Variants in GPHN observed in about 807,000 individuals in gnomAD.
GPHN encodes the protein gephyrin.
In GPHN, 17 loss-of-function variants were observed where a neutral mutation model predicts 95.5. The observed-to-expected ratio is 0.18, with a 90% CI of 0.12 to 0.27. The LOEUF is 0.27. GPHN is among the 10% of genes least tolerant of loss of function. GPHN has a pLI of 1.00. For synonymous variants in GPHN, 320 were observed against 322.5 expected (o/e 0.99, Z 0.08); for missense variants, 660 against 978.1 (o/e 0.67, Z 4.34).
At chr14:67,412,065 C>A in the GPHN span, 2 of 1,545,110 alleles carry the variant, frequency 1.3e-6, no homozygotes, top group Admixed American at 1.9e-5. Flanking sequence ...TCCATGTCGC[C>A]GCCCGCACGC....
chr14:67,351,599 C>A, the GPHN span, among the ~76,000 whole-genome samples: 1 of 152,170 alleles, frequency 6.6e-6, no homozygotes, highest in Non-Finnish European at 1.5e-5. Context: ...GCTTCAAACT[C>A]ATAGGCTCAG....
At chr14:67,683,374 C>G in the GPHN span, among the ~76,000 whole-genome samples, 1 of 152,046 alleles carries the variant, frequency 6.6e-6, no homozygotes, top group Non-Finnish European at 1.5e-5. Flanking sequence ...TCTTCTTATA[C>G]TTCAGAACCA....
intron 1 of GPHN, among the ~76,000 whole-genome samples, chr14:66,532,950 CA>C (rs2059001513): frequency 6.6e-6 from 1 of 152,180 alleles, no homozygotes; most frequent in Admixed American, 6.5e-5. Context: ...CTAGATCAGT[CA>C]TCTGTGATCA....
intron 2 of GPHN, among the ~76,000 whole-genome samples, chr14:66,710,426 A>C (rs1421939915): frequency 6.6e-6 from 1 of 152,210 alleles, no homozygotes; most frequent in African/African-American, 2.4e-5. Context: ...CATATTTCAG[A>C]AGCTGTTACC....
At chr14:67,476,850 G>A in the GPHN span, among the ~76,000 whole-genome samples, 137 of 152,266 alleles carry the variant, frequency 9.0e-4, no homozygotes, top group African/African-American at 3.2e-3. Context: ...TAGTGGCTGG[G>A]CACAGTGGCT....
At chr14:67,089,587 A>G (rs2077066479) in intron 12 of GPHN, among the ~76,000 whole-genome samples, 1 of 152,156 alleles carries the variant, frequency 6.6e-6, no homozygotes, top group Non-Finnish European at 1.5e-5. Context: ...TCTTAGTGTG[A>G]AAGTTTTCCA....
intron 4 of GPHN, among the ~76,000 whole-genome samples, chr14:66,844,474 A>G (rs183859369): frequency 1.4e-4 from 21 of 152,248 alleles, no homozygotes; most frequent in African/African-American, 5.1e-4. Flanking sequence ...GCATATGTGT[A>G]TATAGAGATT....
intron 3 of GPHN, among the ~76,000 whole-genome samples, chr14:66,816,269 T>C (rs2153486645): frequency 6.6e-6 from 1 of 152,218 alleles, no homozygotes; most frequent in South Asian, 2.1e-4. Flanking sequence ...TAACAAATAT[T>C]CAGGTCCTGA....
intron 12 of GPHN, among the ~76,000 whole-genome samples, chr14:67,096,483 C>T (rs1336308384): frequency 6.6e-6 from 1 of 152,114 alleles, no homozygotes; most frequent in African/African-American, 2.4e-5. Context: ...ATACTTCCCA[C>T]CAAAAACTTT....
chr14:67,645,582 GT>G, the GPHN span: 1 of 1,562,626 alleles, frequency 6.4e-7, no homozygotes, highest in Non-Finnish European at 8.7e-7. Flanking sequence ...GGCTGAGGAC[GT>G]TTGTTATCGG....
chr14:66,746,249 C>T (rs1442200374), intron 2 of GPHN, among the ~76,000 whole-genome samples: 8 of 152,068 alleles, frequency 5.3e-5, no homozygotes, highest in African/African-American at 1.7e-4. Flanking sequence ...TATAAAAACC[C>T]GCCAAACTGT....
At chr14:66,513,876 T>G (rs2058139294) in intron 1 of GPHN, among the ~76,000 whole-genome samples, 1 of 151,958 alleles carries the variant, frequency 6.6e-6, no homozygotes, top group South Asian at 2.1e-4. Flanking sequence ...TCTTGAAAAT[T>G]TTGTGTTTAA....
chr14:67,647,050 G>A, the GPHN span: 1 of 1,465,512 alleles, frequency 6.8e-7, no homozygotes, highest in African/African-American at 1.4e-5. Context: ...CTGATGTCAG[G>A]GCAAACCCCC....
At chr14:67,630,524 T>C in the GPHN span, among the ~76,000 whole-genome samples, 1 of 152,208 alleles carries the variant, frequency 6.6e-6, no homozygotes, top group African/African-American at 2.4e-5. Flanking sequence ...TGTCCAGAAC[T>C]AGTTCATGTG....
chr14:66,970,783 C>T (rs1265527043), intron 9 of GPHN, among the ~76,000 whole-genome samples: 1 of 152,010 alleles, frequency 6.6e-6, no homozygotes, highest in African/African-American at 2.4e-5. Context: ...CTACACATAC[C>T]GTCAACACAC....
intron 12 of GPHN, among the ~76,000 whole-genome samples, chr14:67,092,315 T>C (rs1477579606): frequency 6.6e-6 from 1 of 152,120 alleles, no homozygotes; most frequent in Non-Finnish European, 1.5e-5. Flanking sequence ...AAGAATATCC[T>C]TGAGGCCAAT....
intron 1 of GPHN, among the ~76,000 whole-genome samples, chr14:66,667,515 T>C (rs2066037459): frequency 6.6e-6 from 1 of 152,188 alleles, no homozygotes; most frequent in Admixed American, 6.5e-5. Flanking sequence ...TACAACTATC[T>C]GATCTTGAAG....
chr14:66,621,106 A>C lies in GPHN; in HGVS notation c.65-60001A>C, dbSNP rs370035350. Among the ~76,000 whole-genome samples, 7 of 150,894 alleles carry C rather than the reference A, an allele frequency of 4.6e-5. No individual in the cohort carries two copies. The South Asian group carries it at 8.4e-4, about 18-fold the overall frequency. On this transcript the variant is annotated intron_variant, in intron 1 of 22. Coordinates refer to ENST00000478722, the MANE Select transcript of GPHN (RefSeq NM_020806.5). ...CAGCCTCCTGAGCAGCTGGGACTAC[A>C]AGCATCCACCACCAAGCCCAGCCAA...
At chr14:67,088,348 CAT>C (rs1408972985) in intron 11 of GPHN, among the ~76,000 whole-genome samples, 1 of 152,072 alleles carries the variant, frequency 6.6e-6, no homozygotes, top group Non-Finnish European at 1.5e-5. Flanking sequence ...GATATATACA[CAT>C]ATATCTTAAT....
Sources: allele counts gnomAD v4.1 joint callset (sites outside exome capture counted in the v4.1 genomes callset), GRCh38; gene constraint gnomAD v4.1.1; transcripts MANE v1.5; gene names NCBI Gene and HGNC (gene_info 2026-07-23, HGNC 2026-07-21).